The following MAST4 variants were observed in gnomAD, a reference collection of about 807,000 sequenced individuals.
MAST4 encodes the protein microtubule associated serine/threonine kinase family member 4, also known as microtubule-associated serine/threonine-protein kinase 4.
Under a neutral mutation model 162.7 loss-of-function variants are expected in MAST4, and 89 were observed. The ratio of observed to expected loss-of-function variants is 0.55; its 90% CI spans 0.46 to 0.65. MAST4 has a LOEUF of 0.65. MAST4 is among the 30% of genes least tolerant of loss of function. MAST4 has a pLI of 0.00. For missense variants in MAST4, 3,153 were observed against 3,374.0 expected, an observed-to-expected ratio of 0.93 and a Z score of 1.62; for synonymous variants, 1,479 against 1,361.1, an observed-to-expected ratio of 1.09 and a Z score of -1.91.
chr5:66,647,526 A>G (rs1007699025), intron 1 of MAST4, among the ~76,000 whole-genome samples: 1 of 152,028 alleles, frequency 6.6e-6, no homozygotes, highest in Admixed American at 6.6e-5. Flanking sequence ...AATCTAAAAA[A>G]TTTTATCCAG....
intron 1 of MAST4, among the ~76,000 whole-genome samples, chr5:66,684,957 G>A (rs1160092509): frequency 6.6e-6 from 1 of 152,146 alleles, no homozygotes; most frequent in East Asian, 1.9e-4. Context: ...GGTTGGGCAT[G>A]AGTATTTATA....
intron 7 of MAST4, among the ~76,000 whole-genome samples, chr5:67,098,772 C>T (rs1359607591): frequency 2.0e-5 from 3 of 152,070 alleles, no homozygotes; most frequent in African/African-American, 7.2e-5. Flanking sequence ...AGTACAGTTG[C>T]ATGGTATCTT....
intron 21 of MAST4, chr5:67,142,866 G>A (rs1581704672): frequency 5.1e-6 from 1 of 194,538 alleles, no homozygotes; most frequent in African/African-American, 2.3e-5. Context: ...TGTTTTCTTA[G>A]AGGCATAGCC....
intron 4 of MAST4, chr5:67,001,740 C>A (rs1751320952): frequency 6.6e-6 from 1 of 152,210 alleles, no homozygotes; most frequent in African/African-American, 2.4e-5. Flanking sequence ...TTGGAGTCCT[C>A]AGGTCTTCAA....
chr5:66,648,794 C>T (rs1231706382), intron 1 of MAST4, among the ~76,000 whole-genome samples: 1 of 151,968 alleles, frequency 6.6e-6, no homozygotes, highest in East Asian at 1.9e-4. Context: ...AAAATGAAGT[C>T]GGTTTTTACA....
chr5:66,752,991 A>G (rs1384238408), intron 1 of MAST4, among the ~76,000 whole-genome samples: 1 of 151,602 alleles, frequency 6.6e-6, no homozygotes, highest in Non-Finnish European at 1.5e-5. Flanking sequence ...CTCAGGATTA[A>G]GAATCTCACT....
At chr5:66,788,374 A>G (rs1272955899) in intron 2 of MAST4, among the ~76,000 whole-genome samples, 1 of 152,134 alleles carries the variant, frequency 6.6e-6, no homozygotes, top group East Asian at 1.9e-4. Context: ...ACTTATATAT[A>G]TTCTCAACAC....
chr5:67,154,961 T>A (rs778545112), intron 26 of MAST4, among the ~76,000 whole-genome samples: 17 of 152,228 alleles, frequency 1.1e-4, no homozygotes, highest in Non-Finnish European at 1.6e-4. Flanking sequence ...GGAAGTTGGC[T>A]GTATTATGGT....
chr5:67,088,853 A>G (rs1763537014), intron 5 of MAST4, among the ~76,000 whole-genome samples: 3 of 152,262 alleles, frequency 2.0e-5, no homozygotes, highest in Admixed American at 6.5e-5. Flanking sequence ...TGTTGAAGAC[A>G]TCACTATAAA....
At chr5:66,979,926 A>ACG (rs1748581520) in intron 4 of MAST4, among the ~76,000 whole-genome samples, 1 of 152,248 alleles carries the variant, frequency 6.6e-6, no homozygotes, top group African/African-American at 2.4e-5. Context: ...TATGGATCTG[A>ACG]CCAAATTTTG....
At chr5:67,049,406 G>T (rs1354283055) in intron 4 of MAST4, among the ~76,000 whole-genome samples, 1 of 152,068 alleles carries the variant, frequency 6.6e-6, no homozygotes, top group African/African-American at 2.4e-5. Context: ...TAACATTTAT[G>T]CAGCATTACC....
chr5:67,104,288 G>A (rs1765355473), intron 9 of MAST4, 78 bp from the exon 10 acceptor site: 1 of 1,170,324 alleles, frequency 8.5e-7, no homozygotes, highest in Non-Finnish European at 1.3e-6. Context: ...TGAAAATGCT[G>A]TAAAAATGTG....
chr5:67,148,003 C>A (rs1249308855), intron 23 of MAST4, among the ~76,000 whole-genome samples: 1 of 152,180 alleles, frequency 6.6e-6, no homozygotes, highest in Non-Finnish European at 1.5e-5. Flanking sequence ...GCTGTAAGAT[C>A]TGAACTTTGT....
At chr5:67,010,774 G>A (rs1294585393) in intron 4 of MAST4, among the ~76,000 whole-genome samples, 1 of 152,176 alleles carries the variant, frequency 6.6e-6, no homozygotes, top group African/African-American at 2.4e-5. Flanking sequence ...GAGAGTTGAA[G>A]TGAAGGTGTG....
intron 1 of MAST4, among the ~76,000 whole-genome samples, chr5:66,605,089 T>C (rs1742795307): frequency 6.6e-6 from 1 of 152,234 alleles, no homozygotes; most frequent in Admixed American, 6.5e-5. Context: ...ATTAGTTCCC[T>C]ATAAGCATAT....
chr5:66,910,724 A>G (rs887525508), intron 4 of MAST4, among the ~76,000 whole-genome samples: 38 of 132,598 alleles, frequency 2.9e-4, no homozygotes, highest in Non-Finnish European at 5.9e-4. Context: ...CTGAATACAC[A>G]TGTGGTTTTT....
At chr5:66,765,487 G>A (rs1349378189) in intron 2 of MAST4, among the ~76,000 whole-genome samples, 6 of 151,516 alleles carry the variant, frequency 4.0e-5, no homozygotes, top group South Asian at 2.1e-4. Flanking sequence ...CACTTTTATC[G>A]TATCAATATT....
rs574662517 is a variant in MAST4, at chr5:67,088,245, C to G, written c.764-1917C>G. 9.9e-5 allele frequency among the ~76,000 whole-genome samples: 15 copies of G among 152,202 alleles called. No homozygotes were observed. The East Asian group carries it at 2.9e-3, about 29-fold the overall frequency. On this transcript the variant is annotated intron_variant, in intron 5 of 28. Transcript: ENST00000403625. ...ATCTCCAGGTATAGTGTTTTCTTTA[C>G]AAAGAACACAGGGCTAAGAATTCGG...
chr5:67,152,582 G>A, intron 24 of MAST4, 55 bp from the exon 25 acceptor site: 1 of 1,467,702 alleles, frequency 6.8e-7, no homozygotes, highest in East Asian at 2.3e-5. Context: ...AGGGTTGCCT[G>A]CATGGATGCT....
Sources: allele counts gnomAD v4.1 joint callset (sites outside exome capture counted in the v4.1 genomes callset), GRCh38; gene constraint gnomAD v4.1.1; transcripts MANE v1.5; gene names NCBI Gene and HGNC (gene_info 2026-07-23, HGNC 2026-07-21).